Variants in THSD7B observed in about 807,000 individuals in gnomAD.
The protein encoded by THSD7B is thrombospondin type-1 domain-containing protein 7B.
Under a neutral mutation model 213.6 loss-of-function variants are expected in THSD7B, and 138 were observed. That is an observed-to-expected ratio of 0.65 (90% CI 0.56 to 0.74). THSD7B has a LOEUF of 0.74. Ranked by LOEUF, THSD7B falls within the 30% of genes least tolerant of loss-of-function variation. THSD7B has a pLI of 0.00. For synonymous variants in THSD7B, 742 were observed against 687.0 expected (o/e 1.08, Z -1.25); for missense variants, 1,931 against 1,991.5 (o/e 0.97, Z 0.58).
chr2:137,271,035 A>G (rs999692062), intron 10 of THSD7B, among the ~76,000 whole-genome samples: 5 of 152,052 alleles, frequency 3.3e-5, no homozygotes, highest in Admixed American at 1.3e-4. Flanking sequence ...TTCTAGTATT[A>G]ATGATTTTTT....
intron 10 of THSD7B, among the ~76,000 whole-genome samples, chr2:137,264,631 A>G (rs1316591999): frequency 1.3e-5 from 2 of 152,056 alleles, no homozygotes; most frequent in African/African-American, 4.8e-5. Flanking sequence ...CTTTTTGAAT[A>G]AATGCCAAGT....
intron 7 of THSD7B, among the ~76,000 whole-genome samples, chr2:137,179,400 A>T (rs1278799731): frequency 6.6e-6 from 1 of 152,140 alleles, no homozygotes; most frequent in East Asian, 1.9e-4. Context: ...CACATTTACC[A>T]GTTTTCCCTC....
At chr2:137,341,653 T>C (rs1276826611) in intron 12 of THSD7B, among the ~76,000 whole-genome samples, 1 of 151,712 alleles carries the variant, frequency 6.6e-6, no homozygotes, top group East Asian at 1.9e-4. Flanking sequence ...GTATGTGTTG[T>C]GGGATTAAGG....
In THSD7B at chr2:137,057,135, A is replaced by G. The variant is rs1159451849; in HGVS notation, c.855A>G (p.Lys285=). 5 of 1,613,888 alleles carry G rather than the reference A, an allele frequency of 3.1e-6. No individual in the cohort carries two copies. Among genetic ancestry groups the G allele is most frequent in the Admixed American group, 3.3e-5 (2 of 60,002 alleles). Residue 285 remains lysine, a synonymous_variant, in exon 3 of 28, where the codon AAA becomes AAG. Transcript: ENST00000409968. ...ERVTFKHQSY[K]AHHHSKSWAI... is the part of the protein sequence containing the mutation. ...TCACCTTTAAACATCAAAGTTACAA[A>G]GCACATCATCATTCGAAGTCTTGGG...
intron 7 of THSD7B, among the ~76,000 whole-genome samples, chr2:137,204,054 A>G (rs1265695455): frequency 6.6e-6 from 1 of 152,054 alleles, no homozygotes; most frequent in African/African-American, 2.4e-5. Flanking sequence ...AACATCAAAT[A>G]GTTTTCAGAT....
intron 17 of THSD7B, among the ~76,000 whole-genome samples, chr2:137,578,366 A>AG (rs1307880846): frequency 3.3e-5 from 5 of 152,250 alleles, no homozygotes; most frequent in African/African-American, 1.2e-4. Flanking sequence ...AAGTTCAGAC[A>AG]AAGAATGACT....
intron 3 of THSD7B, among the ~76,000 whole-genome samples, chr2:137,083,617 A>C (rs1219397727): frequency 2.3e-4 from 35 of 152,152 alleles, no homozygotes; most frequent in Admixed American, 2.3e-3. Context: ...AAAATCATTA[A>C]AAGTAATAGC....
chr2:137,366,756 T>C lies in THSD7B; in HGVS notation c.2501-38857T>C, dbSNP rs184037172. On this transcript the variant is annotated intron_variant, in intron 12 of 27. Transcript: ENST00000409968. ...ATAAAAAATATTTTGAGAGGACTTA[T>C]GTAATTAAAGTAAAATATAGACATT... 2.2e-4 allele frequency among the ~76,000 whole-genome samples: 34 copies of C among 152,278 alleles called. 1 individual carries two copies. Among genetic ancestry groups the C allele is most frequent in the Middle Eastern group, 3.4e-3 (1 of 294 alleles).
intron 1 of THSD7B, among the ~76,000 whole-genome samples, chr2:136,821,252 C>A (rs1682559538): frequency 6.6e-6 from 1 of 152,078 alleles, no homozygotes; most frequent in Non-Finnish European, 1.5e-5. Flanking sequence ...GCTTCCATAT[C>A]CAATGTACTA....
intron 1 of THSD7B, among the ~76,000 whole-genome samples, chr2:136,869,469 A>G (rs1257212210): frequency 6.6e-6 from 1 of 152,238 alleles, no homozygotes; most frequent in East Asian, 1.9e-4. Flanking sequence ...ACACATTTTA[A>G]TCAATGATTT....
Position 137,616,287 on chromosome 2 carries a change from A to G in THSD7B, c.3536A>G (p.Asn1179Ser). Residue 1179 changes from asparagine to serine, a missense_variant, in exon 18 of 28, where the codon AAT becomes AGT. Physicochemically the swap from Asn to Ser is conservative, Grantham distance 46. Coordinates refer to ENST00000409968, the MANE Select transcript of THSD7B (RefSeq NM_001316349.2). ...SQVQPCLLNE[N>S]CFQFQYNLTE... ...GTGCAGCCTTGCCTCCTGAATGAAAATTGCTTCCAGTTCCAGTACAATCTA... is the reference window on the plus strand; with the variant it reads ...GTGCAGCCTTGCCTCCTGAATGAAAGTTGCTTCCAGTTCCAGTACAATCTA... 1.2e-6 allele frequency: 2 copies of G among 1,613,754 alleles called. No individual in the cohort carries two copies. The highest frequency in any genetic ancestry group is 1.1e-5 in the South Asian group (1 of 91,078).
At chr2:137,479,438 G>A (rs1688256783) in intron 15 of THSD7B, 4 of 346,726 alleles carry the variant, frequency 1.2e-5, no homozygotes, top group South Asian at 4.3e-5. Context: ...GCTGGCTGTG[G>A]CAGACAGGGA....
chr2:137,025,376 G>T (rs1164305862), intron 2 of THSD7B, among the ~76,000 whole-genome samples: 1 of 152,088 alleles, frequency 6.6e-6, no homozygotes, highest in Admixed American at 6.5e-5. Flanking sequence ...CTATTTCAGT[G>T]CATTGTCCCA....
intron 1 of THSD7B, among the ~76,000 whole-genome samples, chr2:136,858,983 C>T (rs1367120022): frequency 2.6e-5 from 4 of 152,174 alleles, no homozygotes; most frequent in Non-Finnish European, 5.9e-5. Flanking sequence ...TTATGACCTT[C>T]CTGGAAATGC....
At chr2:137,353,711 C>T (rs1685064340) in intron 12 of THSD7B, among the ~76,000 whole-genome samples, 1 of 152,062 alleles carries the variant, frequency 6.6e-6, no homozygotes, top group African/African-American at 2.4e-5. Flanking sequence ...TGGATAAATA[C>T]ATACAAATCA....
intron 27 of THSD7B, among the ~76,000 whole-genome samples, 183 bp downstream of exon 27, chr2:137,668,044 A>AT (rs1455783153): frequency 1.3e-5 from 2 of 152,168 alleles, no homozygotes; most frequent in East Asian, 3.8e-4. Flanking sequence ...TTGAGATAAC[A>AT]TTTTTTAAAT....
intron 12 of THSD7B, among the ~76,000 whole-genome samples, chr2:137,283,627 A>T (rs1203293317): frequency 6.6e-6 from 1 of 152,148 alleles, no homozygotes; most frequent in African/African-American, 2.4e-5. Flanking sequence ...GAATTTTGTC[A>T]AAGGCCTTTT....
chr2:137,632,436 A>G (rs1416881119), intron 20 of THSD7B, among the ~76,000 whole-genome samples: 3 of 152,180 alleles, frequency 2.0e-5, no homozygotes, highest in African/African-American at 7.2e-5. Context: ...TTCTCTAAAA[A>G]GGGTGTGAAG....
chr2:137,221,093 G>A (rs537168538), intron 7 of THSD7B, among the ~76,000 whole-genome samples: 2 of 152,206 alleles, frequency 1.3e-5, no homozygotes, highest in Admixed American at 6.5e-5. Flanking sequence ...GAGGTCAGGA[G>A]ATCAAGACCA....
Sources: allele counts gnomAD v4.1 joint callset (sites outside exome capture counted in the v4.1 genomes callset), GRCh38; gene constraint gnomAD v4.1.1; transcripts MANE v1.5; gene names NCBI Gene and HGNC (gene_info 2026-07-23, HGNC 2026-07-21).